The following MB21D2 variants were observed in gnomAD, a reference collection of about 807,000 sequenced individuals.
MB21D2 encodes the protein nucleotidyltransferase MB21D2.
A neutral mutation model predicts 33.3 loss-of-function variants in MB21D2; 9 were observed. The ratio of observed to expected loss-of-function variants is 0.27; its 90% confidence interval spans 0.16 to 0.47. MB21D2 has a LOEUF of 0.47. Ranked by LOEUF, MB21D2 falls within the 20% of genes least tolerant of loss-of-function variation. The pLI is 0.99. For missense variants in MB21D2, 540 were observed against 624.6 expected, an observed-to-expected ratio of 0.86 and a Z score of 1.44; for synonymous variants, 241 against 236.3, an observed-to-expected ratio of 1.02 and a Z score of -0.18.
chr3:192,897,378 G>T (rs946800169), intron 1 of MB21D2, among the ~76,000 whole-genome samples: 2 of 152,268 alleles, frequency 1.3e-5, no homozygotes, highest in South Asian at 4.1e-4. Flanking sequence ...CTGACAGGAG[G>T]CCCCACTAAC....
intron 1 of MB21D2, among the ~76,000 whole-genome samples, chr3:192,803,925 G>A (rs1210776510): frequency 6.6e-6 from 1 of 152,170 alleles, no homozygotes; most frequent in Non-Finnish European, 1.5e-5. Flanking sequence ...GAAGGATAGA[G>A]GATAGCTATT....
At chr3:192,809,052 CATCT>C (rs1711729615) in intron 1 of MB21D2, among the ~76,000 whole-genome samples, 3 of 152,124 alleles carry the variant, frequency 2.0e-5, no homozygotes, top group Admixed American at 2.0e-4. Context: ...TTACCTGTGT[CATCT>C]CGTTCAATCT....
At chr3:192,910,957 C>T (rs1714339324) in intron 1 of MB21D2, among the ~76,000 whole-genome samples, 1 of 152,176 alleles carries the variant, frequency 6.6e-6, no homozygotes, top group African/African-American at 2.4e-5. Flanking sequence ...GAATTGAATG[C>T]ACCTGAACAC....
At chr3:192,881,333 C>T (rs547483952) in intron 1 of MB21D2, among the ~76,000 whole-genome samples, 1 of 152,156 alleles carries the variant, frequency 6.6e-6, no homozygotes, top group Non-Finnish European at 1.5e-5. Context: ...AGGACATAGG[C>T]TAATGACTGA....
In MB21D2 at chr3:192,799,437, G is replaced by A. The variant is rs1293832988; in HGVS notation, c.425C>T (p.Ala142Val). 1 of 1,614,234 alleles carries A rather than the reference G, an allele frequency of 6.2e-7. No homozygotes were observed. Among genetic ancestry groups the A allele is most frequent in the Non-Finnish European group, 8.5e-7 (1 of 1,180,036 alleles). ...AAGGCTCAGCCAAGAGTGGCACAAG[G>A]CTGAGTGGCGCATGTCGAGTGTCAC... ...QPVTLDMRHS[A>V]LCHSWLSLRL... The change falls in exon 2 of 2, where the codon GCC becomes GTC. Residue 142 changes from alanine (A) to valine (V), a missense_variant. Coordinates refer to ENST00000392452, the MANE Select transcript of MB21D2 (RefSeq NM_178496.4). This position sits in a 1 kb window ranked among gnomAD's most constrained non-coding sequence, Gnocchi z 4.1.
chr3:192,849,646 C>T (rs1343188196), intron 1 of MB21D2, among the ~76,000 whole-genome samples: 1 of 152,278 alleles, frequency 6.6e-6, no homozygotes, highest in East Asian at 1.9e-4. Flanking sequence ...AATATTTCAA[C>T]CACTTTATAT....
intron 1 of MB21D2, among the ~76,000 whole-genome samples, chr3:192,912,304 C>G (rs985716228): frequency 6.6e-6 from 1 of 152,062 alleles, no homozygotes; most frequent in Non-Finnish European, 1.5e-5. Context: ...CTATTACATT[C>G]ATTAAGTATT....
chr3:192,809,636 T>A (rs1469775688), intron 1 of MB21D2, among the ~76,000 whole-genome samples: 1 of 152,168 alleles, frequency 6.6e-6, no homozygotes, highest in East Asian at 1.9e-4. Context: ...TGGAACAAAT[T>A]CTATTTTGGA....
In MB21D2 at chr3:192,798,219, T is replaced by C. The variant is rs1447846841; in HGVS notation, c.*167A>G. 3.0e-6 allele frequency: 2 copies of C among 671,754 alleles called. No individual in the cohort carries two copies. Among genetic ancestry groups the C allele is most frequent in the Non-Finnish European group, 5.0e-6 (2 of 403,666 alleles). The allele number at this position is 671,754 out of a possible 1,614,324, so 41.6% of individuals were successfully genotyped here. On this transcript the variant is annotated 3_prime_UTR_variant, in exon 2 of 2. Coordinates refer to ENST00000392452, the MANE Select transcript of MB21D2 (RefSeq NM_178496.4). This position sits in a 1 kb window ranked among gnomAD's most constrained non-coding sequence, Gnocchi z 4.8. Reference sequence around the variant, plus strand: ...TCAGAGGCAGAATATGAAATAGTAATATACTGTTTCAGAGCCTGCACCATC... The same window carrying C: ...TCAGAGGCAGAATATGAAATAGTAACATACTGTTTCAGAGCCTGCACCATC...
At chr3:192,813,234 G>A (rs1711830410) in intron 1 of MB21D2, among the ~76,000 whole-genome samples, 1 of 151,886 alleles carries the variant, frequency 6.6e-6, no homozygotes, top group Non-Finnish European at 1.5e-5. Flanking sequence ...GCTGACAATG[G>A]GTTCCCAATG....
chr3:192,849,263 C>T (rs1457926871), intron 1 of MB21D2, among the ~76,000 whole-genome samples: 1 of 134,674 alleles, frequency 7.4e-6, no homozygotes, highest in African/African-American at 2.9e-5. Flanking sequence ...CCAAAGCTCT[C>T]ATGGCTAATT....
At chr3:192,866,322 C>G (rs1217934228) in intron 1 of MB21D2, among the ~76,000 whole-genome samples, 3 of 152,144 alleles carry the variant, frequency 2.0e-5, no homozygotes, top group Non-Finnish European at 2.9e-5. Flanking sequence ...GAACTAAAAA[C>G]ATCACTGGCA....
intron 1 of MB21D2, among the ~76,000 whole-genome samples, chr3:192,887,141 A>G (rs1316376340): frequency 3.3e-5 from 5 of 152,116 alleles, no homozygotes; most frequent in Non-Finnish European, 7.3e-5. Context: ...ACATTTGACG[A>G]TATCAATGAA....
chr3:192,830,241 AGTGT>A (rs34472117), intron 1 of MB21D2, among the ~76,000 whole-genome samples: 1,757 of 146,426 alleles, frequency 0.012, 34 homozygotes, highest in African/African-American at 0.039. Context: ...AGTGTGTGTG[AGTGT>A]GTGTGTGTGT....
At chr3:192,853,028 GTCTCTCTCTCTC>G (rs10541418) in intron 1 of MB21D2, among the ~76,000 whole-genome samples, 169 of 148,470 alleles carry the variant, frequency 1.1e-3, no homozygotes, top group African/African-American at 3.8e-3. Flanking sequence ...ATCTCTCTCT[GTCTCTCTCTCTC>G]TCTCTCTCTC....
At chr3:192,830,269 T>G (rs997390775) in intron 1 of MB21D2, among the ~76,000 whole-genome samples, 2 of 144,262 alleles carry the variant, frequency 1.4e-5, no homozygotes, top group Non-Finnish European at 3.0e-5. Flanking sequence ...TGTGTGTGTG[T>G]GGGTGTCAAA....
At chr3:192,851,915 C>G (rs1420932011) in intron 1 of MB21D2, among the ~76,000 whole-genome samples, 1 of 152,190 alleles carries the variant, frequency 6.6e-6, no homozygotes, top group African/African-American at 2.4e-5. Context: ...GACATGCTGT[C>G]AAATAAACTA....
rs1409560434 is a variant in MB21D2 at position 192,917,746 on chromosome 3, C to G, written c.95G>C (p.Arg32Pro). ...FPELDFRSGARVEELNKLIQE... is the reference protein window; with the variant it reads ...FPELDFRSGAPVEELNKLIQE... ...GATGAGTTTGTTCAATTCCTCCACC[C>G]GAGCTCCCGACCTGAAATCCAGCTC... is the stretch of plus-strand genomic sequence containing the variant. The change falls in exon 1 of 2, where the codon CGG becomes CCG. Residue 32 changes from arginine to proline, a missense_variant. Physicochemically the swap from Arg to Pro is moderately radical, Grantham distance 103. Transcript: ENST00000392452. The G allele has an allele frequency of 6.2e-7, 1 of 1,614,090 alleles. No homozygotes were observed. Among genetic ancestry groups the G allele is most frequent in the Non-Finnish European group, 8.5e-7 (1 of 1,180,032 alleles).
intron 1 of MB21D2, among the ~76,000 whole-genome samples, chr3:192,852,437 C>T (rs1273362708): frequency 6.6e-6 from 1 of 152,150 alleles, no homozygotes; most frequent in Non-Finnish European, 1.5e-5. Context: ...TATATTCTAG[C>T]ACTCAGCTGA....
Sources: gnomAD v4.1 joint callset for allele counts (sites outside exome capture counted in the v4.1 genomes callset) on GRCh38, gnomAD v4.1.1 for gene constraint, Gnocchi (gnomAD v3.1) non-coding constraint, MANE v1.5 for transcripts, NCBI Gene and HGNC (gene_info 2026-07-23, HGNC 2026-07-21) for gene names.